Variants in ABR observed in about 807,000 individuals in gnomAD.
ABR encodes ABR activator of RhoGEF and GTPase, also known as active breakpoint cluster region-related protein.
A neutral mutation model predicts 107.2 loss-of-function variants in ABR; 35 were observed. That is an observed-to-expected ratio of 0.33 (90% CI 0.25 to 0.43). The LOEUF (loss-of-function observed/expected upper bound fraction) is 0.43. Among genes scored for constraint, ABR ranks in the 20% least tolerant of loss-of-function variants. The probability of loss-of-function intolerance (pLI) is 1.00; values close to 1 mark genes in which losing one functional copy is unlikely to be tolerated. For synonymous variants in ABR, 498 were observed against 462.0 expected (o/e 1.08, Z -1.00); for missense variants, 815 against 1,115.2 (o/e 0.73, Z 3.83).
rs12942942 is a variant in ABR at position 1,023,116 on chromosome 17, A to G, written c.1792-9952T>C. 7.9e-5 allele frequency among the ~76,000 whole-genome samples: 11 copies of G among 139,696 alleles called. 1 individual carries two copies. Among genetic ancestry groups the G allele is most frequent in the African/African-American group, 2.6e-4 (9 of 34,888 alleles). The allele number at this position is 139,696 out of a possible 152,430, so 91.6% of individuals were successfully genotyped here. A position where few individuals can be genotyped will look rare whatever the true frequency, so the allele number is the denominator to read the frequency against. ...CAGAGCCTCTGCCGGCCCCACGTCC[A>G]CTACAGCGCCTCTGCCGGCCCCACG... On this transcript the variant is annotated intron_variant, in intron 16 of 22. Transcript: ENST00000302538.
At chr17:1,095,744 A>G (rs1405975813) in intron 3 of ABR, among the ~76,000 whole-genome samples, 1 of 152,114 alleles carries the variant, frequency 6.6e-6, no homozygotes, top group African/African-American at 2.4e-5. Context: ...GTGGGACTTC[A>G]CATAGCCGTT....
chr17:1,015,600 A>G lies in ABR; in HGVS notation c.1792-2436T>C, dbSNP rs575221329. Among the ~76,000 whole-genome samples the G allele has an allele frequency of 2.0e-5, 3 of 151,706 alleles. No homozygotes were observed. In the South Asian group the frequency reaches 6.3e-4, roughly 32 times the overall value. ...GCCTCCCGAGTAGCTGGAATTACAG[A>G]CACACACAACCACACCCGGCTAATT... On this transcript the variant is annotated intron_variant, in intron 16 of 22. Coordinates refer to ENST00000302538, the MANE Select transcript of ABR (RefSeq NM_021962.5).
chr17:1,099,472 C>T (rs2037724109), intron 3 of ABR, among the ~76,000 whole-genome samples: 1 of 152,194 alleles, frequency 6.6e-6, no homozygotes. Context: ...GACAACACCT[C>T]ACGTCATGGC....
At chr17:1,015,679 A>C (rs1385678670) in intron 16 of ABR, among the ~76,000 whole-genome samples, 3 of 151,920 alleles carry the variant, frequency 2.0e-5, no homozygotes, top group African/African-American at 7.2e-5. Flanking sequence ...GCTGATCTCG[A>C]ACTCCCGACC....
In ABR at chr17:1,071,275, G is replaced by A. The variant is rs528166243; in HGVS notation, c.895-1185C>T. Among the ~76,000 whole-genome samples, 3 of 152,226 alleles carry A rather than the reference G, an allele frequency of 2.0e-5. No individual in the cohort carries two copies. Among genetic ancestry groups the A allele is most frequent in the Non-Finnish European group, 4.4e-5 (3 of 68,004 alleles). On this transcript the variant is annotated intron_variant, in intron 8 of 22. Coordinates refer to ENST00000302538, the MANE Select transcript of ABR (RefSeq NM_021962.5). The surrounding 1 kb of genome is among the most constrained non-coding windows in gnomAD (Gnocchi z 5.1). Reference sequence around the variant, plus strand: ...CCCAGACGCTGCACATCAGCACCAGGAGCCGCACGGAATCGGCTCTCTCTG... The same window carrying A: ...CCCAGACGCTGCACATCAGCACCAGAAGCCGCACGGAATCGGCTCTCTCTG...
rs536618621 is a variant in ABR, at chr17:1,179,083, C to T, written c.61+584G>A. On this transcript the variant is annotated intron_variant, in intron 1 of 22. Coordinates refer to ENST00000302538, the MANE Select transcript of ABR (RefSeq NM_021962.5). This position sits in a 1 kb window ranked among gnomAD's most constrained non-coding sequence, Gnocchi z 4.9. ...GGCTGGCAGGAAAGATTGCTGAGCC[C>T]GGGATTTTCAGCTCCCGCATCCAAA... Among the ~76,000 whole-genome samples the T allele has an allele frequency of 8.6e-5, 13 of 151,860 alleles. 1 individual carries two copies. Among genetic ancestry groups the T allele is most frequent in the African/African-American group, 2.9e-4 (12 of 41,400 alleles).
intron 1 of ABR, among the ~76,000 whole-genome samples, chr17:1,135,380 T>TTC (rs1555599379): frequency 6.7e-6 from 1 of 148,550 alleles, no homozygotes; most frequent in Non-Finnish European, 1.5e-5. Flanking sequence ...TTTTTGTCTT[T>TTC]TTTTTTTTTT....
chr17:1,196,552 A>C (rs868253874), intron 1 of ABR, among the ~76,000 whole-genome samples: 8 of 151,814 alleles, frequency 5.3e-5, no homozygotes, highest in Non-Finnish European at 1.0e-4. Context: ...CCCTCCCTAA[A>C]TGTTGATGAC....
rs35803645 is a variant in ABR at position 1,148,911 on chromosome 17, G to GT, written c.62-23545dup. On this transcript the variant is annotated intron_variant, in intron 1 of 22. Coordinates refer to ENST00000302538, the MANE Select transcript of ABR (RefSeq NM_021962.5). This position sits in a 1 kb window ranked among gnomAD's most constrained non-coding sequence, Gnocchi z 4.9. ...TCTTTTGTTTTTTGTTTTTGTTTTT[G>GT]TTTTTTTTGAGACAGAGTCTCACTC... is the stretch of plus-strand genomic sequence containing the variant. Among the ~76,000 whole-genome samples, 684 of 151,666 alleles carry GT rather than the reference G, an allele frequency of 4.5e-3. 32 individuals carry two copies. In the East Asian group the frequency reaches 0.11, roughly 24 times the overall value.
chr17:1,223,183 CAA>C (rs2043149758), intron 1 of ABR, among the ~76,000 whole-genome samples: 2 of 151,520 alleles, frequency 1.3e-5, no homozygotes, highest in South Asian at 2.1e-4. Context: ...GCCGGGGTGA[CAA>C]GAGCCATACT....
At chr17:1,067,996 G>A (rs988955813) in intron 9 of ABR, among the ~76,000 whole-genome samples, 10 of 152,120 alleles carry the variant, frequency 6.6e-5, no homozygotes, top group South Asian at 2.1e-4. Flanking sequence ...GCAATGGCGC[G>A]ATCTCCACTC....
rs66481339 is a variant in ABR, at chr17:1,157,605, A to C, written c.61+22062T>G. 0.34 allele frequency among the ~76,000 whole-genome samples: 52,107 copies of C among 152,126 alleles called. 10,329 individuals are homozygous for C. The highest frequency in any genetic ancestry group is 0.52 in the East Asian group (2,694 of 5,156). The stretch of plus-strand genomic sequence containing the variant: ...GGGCTGGTCCCTCAGGCCACAGGCC[A>C]TGAGAAGCAGCAACTACAAGGGAAG... On this transcript the variant is annotated intron_variant, in intron 1 of 22. Coordinates refer to ENST00000302538, the MANE Select transcript of ABR (RefSeq NM_021962.5). The surrounding 1 kb of genome is among the most constrained non-coding windows in gnomAD (Gnocchi z 4.7).
chr17:1,131,121 C>T (rs1241930689), intron 1 of ABR, among the ~76,000 whole-genome samples: 30 of 140,826 alleles, frequency 2.1e-4, no homozygotes, highest in Admixed American at 1.1e-3. Flanking sequence ...GCCTGCCACG[C>T]GCACAGCTCC....
chr17:1,087,754 CAAG>C (rs1283173510), intron 4 of ABR, among the ~76,000 whole-genome samples: 1 of 152,162 alleles, frequency 6.6e-6, no homozygotes, highest in Non-Finnish European at 1.5e-5. Context: ...CCCTTTCCCA[CAAG>C]AAGGAGAAAG....
At chr17:1,103,906 A>G (rs1477965617) in intron 2 of ABR, among the ~76,000 whole-genome samples, 2 of 152,084 alleles carry the variant, frequency 1.3e-5, no homozygotes, top group African/African-American at 4.8e-5. Context: ...AGACTCCACA[A>G]TTCCCAGTTT....
chr17:1,220,400 C>T (rs200145888), intron 1 of ABR, among the ~76,000 whole-genome samples: 51 of 152,282 alleles, frequency 3.3e-4, no homozygotes, highest in African/African-American at 1.2e-3. Context: ...CTGTAGCGAG[C>T]GTCGAATGGG....
chr17:1,015,740 G>A (rs927913101), intron 16 of ABR, among the ~76,000 whole-genome samples: 2 of 152,176 alleles, frequency 1.3e-5, no homozygotes, highest in Non-Finnish European at 2.9e-5. Flanking sequence ...TTACAGGCGT[G>A]AGCCACCGCG....
At chr17:1,025,708 G>C (rs1197221351) in intron 16 of ABR, among the ~76,000 whole-genome samples, 1 of 152,098 alleles carries the variant, frequency 6.6e-6, no homozygotes, top group Non-Finnish European at 1.5e-5. Flanking sequence ...CTCAAGCCAG[G>C]CATCCCCCCG....
At chr17:1,161,416 A>C (rs954919674) in intron 1 of ABR, among the ~76,000 whole-genome samples, 28 of 86,838 alleles carry the variant, frequency 3.2e-4, no homozygotes, top group African/African-American at 1.5e-3. Flanking sequence ...TAATTTTTTA[A>C]AATTTTTTTT....
Sources: allele counts gnomAD v4.1 joint callset (sites outside exome capture counted in the v4.1 genomes callset), GRCh38; gene constraint gnomAD v4.1.1; non-coding constraint Gnocchi (gnomAD v3.1); transcripts MANE v1.5; gene names NCBI Gene and HGNC (gene_info 2026-07-23, HGNC 2026-07-21).